Variants in CTR9 observed in about 807,000 individuals in gnomAD.
CTR9 encodes the protein RNA polymerase-associated protein CTR9 homolog.
Under a neutral mutation model 152.1 loss-of-function variants are expected in CTR9, and 41 were observed. That is an observed-to-expected ratio of 0.27 (90% CI 0.21 to 0.35). The LOEUF is 0.35. Among genes scored for constraint, CTR9 ranks in the 10% least tolerant of loss-of-function variants. The pLI is 1.00. For synonymous variants in CTR9, 476 were observed against 496.2 expected (o/e 0.96, Z 0.54); for missense variants, 917 against 1,424.4 (o/e 0.64, Z 5.73).
At chr11:10,765,457 T>G (rs1346900911) in intron 12 of CTR9, among the ~76,000 whole-genome samples, 1 of 152,062 alleles carries the variant, frequency 6.6e-6, no homozygotes, top group African/African-American at 2.4e-5. Context: ...AGGTTTTTTG[T>G]TTTTTTGTTT....
Position 10,763,894 on chromosome 11 carries a change from T to A in CTR9, c.1194+15T>A, listed in dbSNP as rs1463716733. ...ATATTGCCAAGGTACATCTTTTTTT[T>A]AAAGTCTTAGCTGTTTTCTGTTAGC... is the stretch of plus-strand genomic sequence containing the variant. On this transcript the variant is annotated intron_variant, in intron 9 of 24. Transcript: ENST00000361367. 1.9e-6 allele frequency: 3 copies of A among 1,572,406 alleles called. No homozygotes were observed. The highest frequency in any genetic ancestry group is 2.7e-5 in the African/African-American group (2 of 73,086).
chr11:10,776,971 G>GAAAAAAAAAAAAAAAAAAAAAAA, intron 24 of CTR9, among the ~76,000 whole-genome samples: 1 of 63,236 alleles, frequency 1.6e-5, no homozygotes, highest in Non-Finnish European at 2.8e-5. Flanking sequence ...AGACTCTTGT[G>GAAAAAAAAAAAAAAAAAAAAAAA]AAAAAAAAAA....
intron 9 of CTR9, 115 bp downstream of exon 9, chr11:10,763,994 C>G (rs1013680675): frequency 7.5e-7 from 1 of 1,335,480 alleles, no homozygotes; most frequent in African/African-American, 1.5e-5. Context: ...GTTAGCTGAG[C>G]TTGTTCCAGT....
In CTR9 at chr11:10,754,939, T is replaced by C; in HGVS notation, c.145-19T>C. The stretch of plus-strand genomic sequence containing the variant: ...GGACATATGCTTTAGTGATTCTAAT[T>C]TGTTTCATTACCTTATAGCTGGAAT... On this transcript the variant is annotated intron_variant, in intron 2 of 24. Coordinates refer to ENST00000361367, the MANE Select transcript of CTR9 (RefSeq NM_014633.5). 1 of 1,605,960 alleles carries C rather than the reference T, an allele frequency of 6.2e-7. No individual in the cohort carries two copies. The highest frequency in any genetic ancestry group is 8.5e-7 in the Non-Finnish European group (1 of 1,176,376).
In CTR9 at chr11:10,752,488, C is replaced by G. The variant is rs1862820214; in HGVS notation, c.46-184C>G. Among the ~76,000 whole-genome samples the G allele has an allele frequency of 2.0e-5, 3 of 152,182 alleles. 1 individual carries two copies. In the South Asian group the frequency reaches 6.2e-4, roughly 31 times the overall value. ...GTTTGTTTGCTTCTCTGTGCTTTAA[C>G]TTTATTATAGTATAACCTATTCGTC... On this transcript the variant is annotated intron_variant, in intron 1 of 24. Transcript: ENST00000361367.
intron 23 of CTR9, 87 bp from the exon 24 acceptor site, chr11:10,775,434 G>A: frequency 7.3e-7 from 1 of 1,375,174 alleles, no homozygotes; most frequent in Non-Finnish European, 1.0e-6. Context: ...GTGGCTGTTT[G>A]ATTGTATCAT....
intron 10 of CTR9, 34 bp downstream of exon 10, chr11:10,764,235 A>G (rs772106569): frequency 2.5e-6 from 4 of 1,613,024 alleles, no homozygotes; most frequent in Non-Finnish European, 8.5e-7. Flanking sequence ...CTCTCATATG[A>G]TGTGTTTTTT....
At chr11:10,771,848 T>TA (rs1393899717) in intron 19 of CTR9, among the ~76,000 whole-genome samples, 7 of 152,212 alleles carry the variant, frequency 4.6e-5, no homozygotes, top group Non-Finnish European at 1.0e-4. Context: ...CTATTTTACT[T>TA]ATGTCAGCTA....
At position 10,767,776 on chromosome 11, in the gene CTR9, A is replaced by G; in HGVS notation, c.1687-30A>G. 6.2e-7 allele frequency: 1 copy of G among 1,606,962 alleles called. No homozygotes were observed. Among genetic ancestry groups the G allele is most frequent in the South Asian group, 1.1e-5 (1 of 90,750 alleles). On this transcript the variant is annotated intron_variant, in intron 13 of 24. Coordinates refer to ENST00000361367, the MANE Select transcript of CTR9 (RefSeq NM_014633.5). This position sits in a 1 kb window ranked among gnomAD's most constrained non-coding sequence, Gnocchi z 4.0. ...TGATCTCTGTCAAACTAAACTGCAG[A>G]TTTTCCTTCTTCATGTATGTATGTT...
At chr11:10,770,169 TTC>T (rs1446755853) in intron 16 of CTR9, 39 bp from the exon 17 acceptor site, 2 of 1,389,100 alleles carry the variant, frequency 1.4e-6, no homozygotes. Flanking sequence ...ATGTCATTTA[TTC>T]TTTGTTGTGT....
At chr11:10,757,209 T>G (rs1862899616) in intron 5 of CTR9, among the ~76,000 whole-genome samples, 1 of 152,142 alleles carries the variant, frequency 6.6e-6, no homozygotes, top group African/African-American at 2.4e-5. Context: ...CGCTTGAGTC[T>G]GGGAGGTTGA....
At chr11:10,776,089 C>A (rs560376805) in intron 24 of CTR9, among the ~76,000 whole-genome samples, 1 of 150,816 alleles carries the variant, frequency 6.6e-6, no homozygotes, top group East Asian at 1.9e-4. Flanking sequence ...ATTTATTTAT[C>A]TATTTATCTA....
chr11:10,760,798 G>A (rs945747157), intron 6 of CTR9, among the ~76,000 whole-genome samples: 8 of 152,096 alleles, frequency 5.3e-5, no homozygotes, highest in African/African-American at 1.9e-4. Context: ...GGTCCTTGTC[G>A]TCAAACCTAT....
In CTR9 at chr11:10,779,145, T is replaced by G. The variant is rs1863291771; in HGVS notation, c.*40T>G. 1 of 1,528,052 alleles carries G rather than the reference T, an allele frequency of 6.5e-7. No homozygotes were observed. 94.7% of individuals were successfully genotyped at this position (1,528,052 alleles called of 1,614,324 possible). ...ATAAGCTTCATCTCTGGAGGAAACT[T>G]TTTTAATATATGAAAGCTGTGATAA... On this transcript the variant is annotated 3_prime_UTR_variant, in exon 25 of 25. Coordinates refer to ENST00000361367, the MANE Select transcript of CTR9 (RefSeq NM_014633.5).
chr11:10,766,409 G>A lies in CTR9; in HGVS notation c.1605G>A (p.Leu535=). 6.2e-7 allele frequency: 1 copy of A among 1,607,674 alleles called. No individual in the cohort carries two copies. Among genetic ancestry groups the A allele is most frequent in the Non-Finnish European group, 8.5e-7 (1 of 1,178,110 alleles). The stretch of plus-strand genomic sequence containing the variant: ...TTTTAAATATGTTTTCAGGCTATTT[G>A]CGCCTAGGAGCCATGGCTAGAGATA... The part of the protein sequence containing the change: ...REHPNYVDCY[L]RLGAMARDKG... The change falls in exon 13 of 25, where the codon TTG becomes TTA. Residue 535 remains leucine (L), a synonymous_variant. Coordinates refer to ENST00000361367, the MANE Select transcript of CTR9 (RefSeq NM_014633.5).
chr11:10,762,166 C>T, intron 7 of CTR9, 112 bp downstream of exon 7: 1 of 692,978 alleles, frequency 1.4e-6, no homozygotes, highest in South Asian at 2.0e-5. Context: ...TTTTTTCCCC[C>T]CTCCAAATTA....
chr11:10,754,971 A>T lies in CTR9; in HGVS notation c.158A>T (p.Lys53Met). 6.2e-7 allele frequency: 1 copy of T among 1,613,796 alleles called. No homozygotes were observed. The highest frequency in any genetic ancestry group is 8.5e-7 in the Non-Finnish European group (1 of 1,179,890). Residue 53 changes from lysine to methionine, a missense_variant, in exon 3 of 25, where the codon AAG (lysine) becomes ATG (methionine). Physicochemically the swap from Lys to Met is moderately conservative, Grantham distance 95. Around this residue, in one of 9 missense-constraint regions of CTR9, gnomAD observed 67 missense variants for 106.9 expected, o/e 0.63. Transcript: ENST00000361367. ...ATTACCTTATAGCTGGAATACTACAAGCAAGGAAAAACAGAAGAGTTTGTA... is the reference window on the plus strand; with the variant it reads ...ATTACCTTATAGCTGGAATACTACATGCAAGGAAAAACAGAAGAGTTTGTA... ...IWIALALEYY[K>M]QGKTEEFVKL... is the part of the protein sequence containing the mutation.
intron 19 of CTR9, 84 bp downstream of exon 19, chr11:10,771,700 A>G: frequency 1.0e-6 from 1 of 952,846 alleles, no homozygotes; most frequent in Non-Finnish European, 1.7e-6. Context: ...TAGGGAACAG[A>G]GGTTCCTGAC....
intron 8 of CTR9, 47 bp from the exon 9 acceptor site, chr11:10,763,596 T>C (rs116866079): frequency 0.014 from 22,176 of 1,562,828 alleles, 193 homozygotes; most frequent in Non-Finnish European, 0.017. Context: ...TTTAAGTCTT[T>C]CCAATACTTT....
Sources: gnomAD v4.1 joint callset for allele counts (sites outside exome capture counted in the v4.1 genomes callset) on GRCh38, gnomAD v4.1.1 for gene constraint, gnomAD v4.1.1 regional missense constraint, Gnocchi (gnomAD v3.1) non-coding constraint, MANE v1.5 for transcripts, NCBI Gene and HGNC (gene_info 2026-07-23, HGNC 2026-07-21) for gene names.